Variants in TTYH3 observed in about 807,000 individuals in gnomAD.
TTYH3 encodes tweety family member 3.
Under a neutral mutation model 68.2 loss-of-function variants are expected in TTYH3, and 23 were observed. The observed-to-expected ratio is 0.34, with a 90% confidence interval of 0.24 to 0.48. The LOEUF (loss-of-function observed/expected upper bound fraction) is 0.48, where lower values mean the gene tolerates loss of function less well. Ranked by LOEUF, TTYH3 falls within the 20% of genes least tolerant of loss-of-function variation. TTYH3 has a pLI of 0.99. For missense variants in TTYH3, 768 were observed against 727.7 expected (o/e 1.06, Z -0.64); for synonymous variants, 360 against 332.8 (o/e 1.08, Z -0.89).
chr7:2,640,176 A>G (rs969185235), intron 1 of TTYH3, among the ~76,000 whole-genome samples: 2 of 152,130 alleles, frequency 1.3e-5, no homozygotes, highest in Non-Finnish European at 2.9e-5. Flanking sequence ...GGGTGGTGGG[A>G]TCGTGGCCAC....
chr7:2,649,367 C>G (rs893121650), intron 5 of TTYH3, among the ~76,000 whole-genome samples, 200 bp from the exon 6 acceptor site: 9 of 152,234 alleles, frequency 5.9e-5, no homozygotes, highest in Admixed American at 5.2e-4. Flanking sequence ...TCTCTGAGCC[C>G]CACCCCACCT....
Position 2,656,144 on chromosome 7 carries a change from A to C in TTYH3, c.1073A>C (p.Gln358Pro). The C allele has an allele frequency of 6.4e-7, 1 of 1,571,838 alleles. No homozygotes were observed. The highest frequency in any genetic ancestry group is 8.6e-7 in the Non-Finnish European group (1 of 1,158,976). The change falls in exon 10 of 14, where the codon CAG becomes CCG. Residue 358 changes from glutamine to proline, a missense_variant. Coordinates refer to ENST00000258796, the MANE Select transcript of TTYH3 (RefSeq NM_025250.3). ...EVLNGTEVNL[Q>P]HLTALVDCRS... ...CTGAATGGCACGGAGGTGAACCTGC[A>C]GCACCTCACCGCCCTGGTGGACTGC...
At chr7:2,651,654 C>T (rs77751432) in intron 7 of TTYH3, among the ~76,000 whole-genome samples, 21,544 of 152,340 alleles carry the variant, frequency 0.14, 1,703 homozygotes, top group Non-Finnish European at 0.17. Context: ...AGGCCAGCCA[C>T]GCTGGCTTCA....
intron 1 of TTYH3, among the ~76,000 whole-genome samples, chr7:2,641,489 G>A (rs1284265202): frequency 6.6e-6 from 1 of 152,204 alleles, no homozygotes; most frequent in Non-Finnish European, 1.5e-5. Context: ...AGCCCCCTTG[G>A]CACATGTGTG....
intron 13 of TTYH3, chr7:2,660,259 A>G (rs1786459204): frequency 1.0e-6 from 1 of 985,108 alleles, no homozygotes; most frequent in African/African-American, 1.7e-5. Context: ...GTCCCCTTCC[A>G]GGCTCCCCCT....
Position 2,662,155 on chromosome 7 carries a change from C to G in TTYH3, c.*416C>G, listed in dbSNP as rs115868877. 2.8e-6 allele frequency: 1 copy of G among 359,654 alleles called. No homozygotes were observed. Among genetic ancestry groups the G allele is most frequent in the Non-Finnish European group, 5.3e-6 (1 of 189,150 alleles). 22.3% of individuals were successfully genotyped at this position (359,654 alleles called of 1,614,324 possible). ...CTTAGTTCACAGGCACGGCTGGGGC[C>G]GCTCTGTGCTGGCGCCTGCTGGCCA... is the stretch of plus-strand genomic sequence containing the variant. On this transcript the variant is annotated 3_prime_UTR_variant, in exon 14 of 14. Coordinates refer to ENST00000258796, the MANE Select transcript of TTYH3 (RefSeq NM_025250.3).
chr7:2,639,958 C>T (rs1178865229), intron 1 of TTYH3, among the ~76,000 whole-genome samples: 1 of 151,872 alleles, frequency 6.6e-6, no homozygotes, highest in Non-Finnish European at 1.5e-5. Context: ...TCTCCCAATG[C>T]CTCGGGCAGC....
chr7:2,653,027 T>C lies in TTYH3; in HGVS notation c.1020+17T>C. 1.9e-6 allele frequency: 3 copies of C among 1,556,684 alleles called. No individual in the cohort carries two copies. Among genetic ancestry groups the C allele is most frequent in the Non-Finnish European group, 2.6e-6 (3 of 1,148,032 alleles). On this transcript the variant is annotated intron_variant, in intron 9 of 13. Transcript: ENST00000258796. ...GCCACTAAGGTGAGGGGCTGCGGGGTAGGCACTGGGGCAGGCAGGGCTCCT... is the reference window on the plus strand; with the variant it reads ...GCCACTAAGGTGAGGGGCTGCGGGGCAGGCACTGGGGCAGGCAGGGCTCCT...
At position 2,649,645 on chromosome 7, in the gene TTYH3, T is replaced by G; in HGVS notation, c.795+6T>G. The G allele has an allele frequency of 6.3e-7, 1 of 1,596,030 alleles. No individual in the cohort carries two copies. The highest frequency in any genetic ancestry group is 1.3e-5 in the African/African-American group (1 of 74,724). ...TGGAGCTGGCTGTGTCCGTGGTGAG[T>G]GGCAGAGGGGGTGAGGTCCCCGGCT... On this transcript the variant is annotated splice_donor_region_variant and intron_variant, in intron 6 of 13. Transcript: ENST00000258796.
intron 8 of TTYH3, chr7:2,652,688 G>C: frequency 1.7e-6 from 1 of 581,502 alleles, no homozygotes; most frequent in Non-Finnish European, 3.1e-6. Flanking sequence ...ACTGTGCTTT[G>C]CTTGCTGGTG....
chr7:2,649,428 C>T, intron 5 of TTYH3, 139 bp from the exon 6 acceptor site: 1 of 821,328 alleles, frequency 1.2e-6, no homozygotes. Flanking sequence ...TGGCTGAGGC[C>T]AGGCCACAGG....
chr7:2,641,592 A>G (rs1323375816), intron 1 of TTYH3, among the ~76,000 whole-genome samples: 1 of 152,210 alleles, frequency 6.6e-6, no homozygotes, highest in Non-Finnish European at 1.5e-5. Context: ...CCACAGACGG[A>G]AAATTCCATT....
At chr7:2,636,845 A>C (rs945317411) in intron 1 of TTYH3, among the ~76,000 whole-genome samples, 3 of 152,074 alleles carry the variant, frequency 2.0e-5, no homozygotes, top group Non-Finnish European at 4.4e-5. Flanking sequence ...CGCTGCCCGC[A>C]TCAAGGGTTC....
At position 2,645,925 on chromosome 7, in the gene TTYH3, G is replaced by T. The variant is rs1370755558; in HGVS notation, c.124-928G>T. 2.2e-6 allele frequency: 1 copy of T among 462,182 alleles called. No individual in the cohort carries two copies. The highest frequency in any genetic ancestry group is 2.4e-5 in the Admixed American group (1 of 42,020). The allele number at this position is 462,182 out of a possible 1,614,324, so 28.6% of individuals were successfully genotyped here. On this transcript the variant is annotated intron_variant, in intron 1 of 13. Transcript: ENST00000258796. This position sits in a 1 kb window ranked among gnomAD's most constrained non-coding sequence, Gnocchi z 4.8. ...GGGCCTGAGACGGGGACGGGCTCTGGGGTCCTGGGGCTGTCTCGGGCTGGG... is the reference window on the plus strand; with the variant it reads ...GGGCCTGAGACGGGGACGGGCTCTGTGGTCCTGGGGCTGTCTCGGGCTGGG...
chr7:2,642,023 C>A (rs774057844), intron 1 of TTYH3, among the ~76,000 whole-genome samples: 10 of 152,242 alleles, frequency 6.6e-5, no homozygotes, highest in Non-Finnish European at 1.2e-4. Context: ...TGGCAGGGGC[C>A]CCGAAGCCTG....
At chr7:2,654,636 C>A (rs1786283827) in intron 9 of TTYH3, among the ~76,000 whole-genome samples, 2 of 152,284 alleles carry the variant, frequency 1.3e-5, no homozygotes, top group Middle Eastern at 6.8e-3. Context: ...GCAGCCTCCG[C>A]AGCAAACGTT....
rs762193537 is a variant in TTYH3 at position 2,652,971 on chromosome 7, GCTT to G, written c.984_986del (p.Leu329del). ...TGGAGATGCAGGATGTCGTGGCTGAGCTTCTGAGGACCGTCCCCTGGGAGCAGC... is the reference window on the plus strand; with the variant it reads ...TGGAGATGCAGGATGTCGTGGCTGAGCTGAGGACCGTCCCCTGGGAGCAGC... On this transcript the variant is annotated inframe_deletion, in exon 9 of 14. Transcript: ENST00000258796. 2.5e-6 allele frequency: 4 copies of G among 1,576,212 alleles called. No homozygotes were observed. The African/African-American group carries it at 5.4e-5, about 21-fold the overall frequency.
At chr7:2,651,655 G>T (rs1023374122) in intron 7 of TTYH3, among the ~76,000 whole-genome samples, 1 of 152,262 alleles carries the variant, frequency 6.6e-6, no homozygotes, top group Non-Finnish European at 1.5e-5. Context: ...GGCCAGCCAC[G>T]CTGGCTTCAC....
At chr7:2,656,563 T>TTG in intron 11 of TTYH3, 29 bp downstream of exon 11, 1 of 1,590,888 alleles carries the variant, frequency 6.3e-7, no homozygotes, top group African/African-American at 1.3e-5. Flanking sequence ...TCGCAGGAGC[T>TTG]TGCCCCAGGC....
Sources: gnomAD v4.1 joint callset for allele counts (sites outside exome capture counted in the v4.1 genomes callset) on GRCh38, gnomAD v4.1.1 for gene constraint, Gnocchi (gnomAD v3.1) non-coding constraint, MANE v1.5 for transcripts, NCBI Gene and HGNC (gene_info 2026-07-23, HGNC 2026-07-21) for gene names.